Variants in CUX2 observed in about 807,000 individuals in gnomAD.
CUX2 encodes the protein cut like homeobox 2.
Under a neutral mutation model 144.8 loss-of-function variants are expected in CUX2, and 40 were observed. The observed-to-expected ratio is 0.28, with a 90% CI of 0.21 to 0.36. The LOEUF (loss-of-function observed/expected upper bound fraction) is 0.36. CUX2 is among the 10% of genes least tolerant of loss of function. CUX2 has a pLI of 1.00. For missense variants in CUX2, 1,615 were observed against 1,994.0 expected, an observed-to-expected ratio of 0.81 and a Z score of 3.62; for synonymous variants, 827 against 875.6, an observed-to-expected ratio of 0.94 and a Z score of 0.98.
intron 1 of CUX2, among the ~76,000 whole-genome samples, chr12:111,170,351 C>T (rs1404232852): frequency 6.6e-6 from 1 of 151,398 alleles, no homozygotes; most frequent in African/African-American, 2.4e-5. Context: ...ATCACTTGAA[C>T]CTGGGAGGCA....
At chr12:111,259,320 C>T (rs1442951224) in intron 3 of CUX2, among the ~76,000 whole-genome samples, 1 of 152,066 alleles carries the variant, frequency 6.6e-6, no homozygotes, top group East Asian at 1.9e-4. Context: ...TTTTTAGTCT[C>T]GCGGGCCACA....
At chr12:111,098,527 A>T (rs1872981494) in intron 1 of CUX2, among the ~76,000 whole-genome samples, 1 of 152,116 alleles carries the variant, frequency 6.6e-6, no homozygotes, top group African/African-American at 2.4e-5. Context: ...GCATCTCTGG[A>T]GGGAGGCCAC....
intron 3 of CUX2, among the ~76,000 whole-genome samples, chr12:111,237,655 C>T (rs977685772): frequency 6.6e-6 from 1 of 152,224 alleles, no homozygotes; most frequent in Non-Finnish European, 1.5e-5. Flanking sequence ...CCTCTGGGAA[C>T]TTCCAGTGGT....
intron 1 of CUX2, among the ~76,000 whole-genome samples, chr12:111,158,783 G>A (rs1159331221): frequency 6.6e-6 from 1 of 152,118 alleles, no homozygotes; most frequent in African/African-American, 2.4e-5. Flanking sequence ...AGATACGAGG[G>A]CAGTCTGTGA....
At chr12:111,286,723 A>G (rs1221957280) in intron 4 of CUX2, among the ~76,000 whole-genome samples, 1 of 152,040 alleles carries the variant, frequency 6.6e-6, no homozygotes, top group African/African-American at 2.4e-5. Flanking sequence ...AGATACAAAA[A>G]TTAGCCTGGC....
At chr12:111,253,361 C>G (rs1001681387) in intron 3 of CUX2, among the ~76,000 whole-genome samples, 1 of 151,798 alleles carries the variant, frequency 6.6e-6, no homozygotes, top group East Asian at 1.9e-4. Flanking sequence ...TCCCGCCACA[C>G]CAGCCTCTCT....
chr12:111,305,142 C>T (rs1472796116), intron 10 of CUX2, among the ~76,000 whole-genome samples: 2 of 152,192 alleles, frequency 1.3e-5, no homozygotes, highest in African/African-American at 4.8e-5. Flanking sequence ...CCAACCTACC[C>T]TTCTGTCCTA....
intron 1 of CUX2, among the ~76,000 whole-genome samples, chr12:111,152,979 G>A (rs1012786912): frequency 4.6e-5 from 7 of 152,244 alleles, no homozygotes; most frequent in African/African-American, 1.7e-4. Flanking sequence ...AAGGCGAGGT[G>A]TGATTTCTGC....
intron 1 of CUX2, among the ~76,000 whole-genome samples, chr12:111,036,180 T>C (rs1233600327): frequency 6.6e-6 from 1 of 152,214 alleles, no homozygotes; most frequent in African/African-American, 2.4e-5. Context: ...CAGGGTCCTA[T>C]TGTTATTCTG....
rs1879804591 is a variant in CUX2, at chr12:111,190,389, T to A, written c.64-23811T>A. Among the ~76,000 whole-genome samples, 1 of 152,178 alleles carries A rather than the reference T, an allele frequency of 6.6e-6. No individual in the cohort carries two copies. The highest frequency in any genetic ancestry group is 2.4e-5 in the African/African-American group (1 of 41,442). On this transcript the variant is annotated intron_variant, in intron 1 of 21. Coordinates refer to ENST00000261726, the MANE Select transcript of CUX2 (RefSeq NM_015267.4). This position sits in a 1 kb window ranked among gnomAD's most constrained non-coding sequence, Gnocchi z 4.0. ...AGTATGTTGCTGGTGGGATTATCTT[T>A]CAGCTAGTTATTCACGCACACACCC... is the stretch of plus-strand genomic sequence containing the variant.
At chr12:111,272,757 C>T (rs1884692616) in intron 4 of CUX2, among the ~76,000 whole-genome samples, 1 of 152,242 alleles carries the variant, frequency 6.6e-6, no homozygotes, top group African/African-American at 2.4e-5. Context: ...AGCCACCACA[C>T]CCAGGTGACA....
chr12:111,111,644 T>G lies in CUX2; in HGVS notation c.63+77404T>G, dbSNP rs7304847. ...AGAGAGATTCCCCATTCCCAGGAAT[T>G]TAATAGGCCCGGGGGTACTTGAACT... On this transcript the variant is annotated intron_variant, in intron 1 of 21. Transcript: ENST00000261726. 9.3e-3 allele frequency among the ~76,000 whole-genome samples: 1,408 copies of G among 152,154 alleles called. 23 individuals carry two copies. Among genetic ancestry groups the G allele is most frequent in the African/African-American group, 0.032 (1,319 of 41,494 alleles).
chr12:111,303,221 GAA>G (rs5800927), intron 9 of CUX2, among the ~76,000 whole-genome samples: 2,040 of 49,260 alleles, frequency 0.041, 63 homozygotes, highest in African/African-American at 0.15. Context: ...ACCCTGTCTC[GAA>G]AAAAAAAAAA....
Position 111,310,226 on chromosome 12 carries a change from C to A in CUX2, c.1444C>A (p.Pro482Thr). Reference sequence around the variant, plus strand: ...TCGGACTTTCTCGCTGTCCCCCTTCCCCAGCCTGGCATCAGGGGAGAGACT... The same window carrying A: ...TCGGACTTTCTCGCTGTCCCCCTTCACCAGCCTGGCATCAGGGGAGAGACT... ...GTRTFSLSPF[P>T]SLASGERLMM... Residue 482 changes from proline (P) to threonine (T), a missense_variant, in exon 15 of 22, where the codon CCC (proline) becomes ACC (threonine). By Grantham distance (38) the Pro-to-Thr change is conservative. Around this residue, in one of 12 missense-constraint regions of CUX2, gnomAD observed 154 missense variants for 148.4 expected, o/e 1.04. Transcript: ENST00000261726. This position sits in a 1 kb window ranked among gnomAD's most constrained non-coding sequence, Gnocchi z 7.9. 2.6e-6 allele frequency: 4 copies of A among 1,510,134 alleles called. No homozygotes were observed. The highest frequency in any genetic ancestry group is 3.5e-6 in the Non-Finnish European group (4 of 1,129,594). The allele number at this position is 1,510,134 out of a possible 1,614,324, so 93.5% of individuals were successfully genotyped here. A position where few individuals can be genotyped will look rare whatever the true frequency, so the allele number is the denominator to read the frequency against.
chr12:111,343,384 TG>T (rs1304711560), intron 21 of CUX2, among the ~76,000 whole-genome samples: 1 of 152,036 alleles, frequency 6.6e-6, no homozygotes, highest in Non-Finnish European at 1.5e-5. Flanking sequence ...AAAGAACACT[TG>T]GGGGGATTTC....
At position 111,295,300 on chromosome 12, in the gene CUX2, C is replaced by T. The variant is rs1200686249; in HGVS notation, c.561-33C>T. The T allele has an allele frequency of 1.9e-6, 3 of 1,605,270 alleles. No individual in the cohort carries two copies. The highest frequency in any genetic ancestry group is 2.6e-6 in the Non-Finnish European group (3 of 1,176,174). ...GGGCCCCAGGCAAGGCCTGTCCCTG[C>T]AGCCAGCACAAGCAGGCCTCGTCTC... On this transcript the variant is annotated intron_variant, in intron 6 of 21. Coordinates refer to ENST00000261726, the MANE Select transcript of CUX2 (RefSeq NM_015267.4). This position sits in a 1 kb window ranked among gnomAD's most constrained non-coding sequence, Gnocchi z 5.0.
intron 1 of CUX2, among the ~76,000 whole-genome samples, chr12:111,167,972 T>A (rs1878262054): frequency 6.6e-6 from 1 of 152,100 alleles, no homozygotes; most frequent in South Asian, 2.1e-4. Context: ...GGGATTACAG[T>A]TGTGAGCCAC....
intron 1 of CUX2, among the ~76,000 whole-genome samples, chr12:111,187,742 C>G (rs945861628): frequency 6.6e-6 from 1 of 152,184 alleles, no homozygotes; most frequent in African/African-American, 2.4e-5. Context: ...TTTCTGTGGC[C>G]CCCTGTCCAG....
At chr12:111,164,771 A>G (rs1878023241) in intron 1 of CUX2, among the ~76,000 whole-genome samples, 1 of 151,984 alleles carries the variant, frequency 6.6e-6, no homozygotes, top group African/African-American at 2.4e-5. Context: ...GGGGATGTGA[A>G]TGTTGGGGAT....
Sources: gnomAD v4.1 joint callset for allele counts (sites outside exome capture counted in the v4.1 genomes callset) on GRCh38, gnomAD v4.1.1 for gene constraint, gnomAD v4.1.1 regional missense constraint, Gnocchi (gnomAD v3.1) non-coding constraint, MANE v1.5 for transcripts, NCBI Gene and HGNC (gene_info 2026-07-23, HGNC 2026-07-21) for gene names.